Variants in PDGFD observed in about 807,000 individuals in gnomAD.
PDGFD encodes the protein platelet-derived growth factor D.
Under a neutral mutation model 44.7 loss-of-function variants are expected in PDGFD, and 30 were observed. That is an observed-to-expected ratio of 0.67 (90% CI 0.50 to 0.91). PDGFD has a LOEUF of 0.91. PDGFD is among the 40% of genes least tolerant of loss of function. The probability of loss-of-function intolerance (pLI) is 0.00; values close to 1 mark genes in which losing one functional copy is unlikely to be tolerated. For missense variants in PDGFD, 445 were observed against 457.8 expected, an observed-to-expected ratio of 0.97 and a Z score of 0.25; for synonymous variants, 173 against 168.4, an observed-to-expected ratio of 1.03 and a Z score of -0.21.
At chr11:103,921,585 C>G (rs977006156) in intron 6 of PDGFD, among the ~76,000 whole-genome samples, 1 of 150,700 alleles carries the variant, frequency 6.6e-6, no homozygotes, top group African/African-American at 2.5e-5. Context: ...TAATACCCCC[C>G]CATAAACCCA....
chr11:104,038,294 C>A, intron 1 of PDGFD: 1 of 380,968 alleles, frequency 2.6e-6, no homozygotes. Context: ...CCAGCTTCTT[C>A]CTTTAGAGAC....
In PDGFD at chr11:104,052,659, A is replaced by G. The variant is rs1278908845; in HGVS notation, c.125-52404T>C. Among the ~76,000 whole-genome samples, 3 of 152,256 alleles carry G rather than the reference A, an allele frequency of 2.0e-5. No homozygotes were observed. The East Asian group carries it at 5.8e-4, about 29-fold the overall frequency. On this transcript the variant is annotated intron_variant, in intron 1 of 6. Transcript: ENST00000393158. ...TTGGGGCTAATGTTGTATGGCTGAC[A>G]TGAGCAGAGGTAGTTGTTTCTGTTC... is the stretch of plus-strand genomic sequence containing the variant.
At chr11:104,123,739 G>A (rs1364863211) in intron 1 of PDGFD, among the ~76,000 whole-genome samples, 1 of 151,958 alleles carries the variant, frequency 6.6e-6, no homozygotes, top group Non-Finnish European at 1.5e-5. Context: ...CTTTGTTCTG[G>A]ACATACCTGT....
chr11:104,068,673 C>A (rs1860828552), intron 1 of PDGFD, among the ~76,000 whole-genome samples: 1 of 152,084 alleles, frequency 6.6e-6, no homozygotes, highest in South Asian at 2.1e-4. Context: ...GAGAAAATAT[C>A]TATTTATATT....
chr11:103,985,173 T>TAATTTATTTAATATATAATATATA (rs1859343773), intron 3 of PDGFD, among the ~76,000 whole-genome samples: 1 of 127,790 alleles, frequency 7.8e-6, no homozygotes, highest in African/African-American at 2.9e-5. Flanking sequence ...TATAATATAT[T>TAATTTATTTAATATATAATATATA]AATTTATTTA....
intron 1 of PDGFD, among the ~76,000 whole-genome samples, chr11:104,102,986 A>T (rs1472311915): frequency 6.6e-6 from 1 of 152,094 alleles, no homozygotes; most frequent in Non-Finnish European, 1.5e-5. Context: ...TTAAATGACG[A>T]GTTAATGGGG....
chr11:104,090,342 G>T (rs188993960), intron 1 of PDGFD, among the ~76,000 whole-genome samples: 1 of 150,236 alleles, frequency 6.7e-6, no homozygotes, highest in East Asian at 1.9e-4. Flanking sequence ...ATGTAGAGGC[G>T]GGCACAGTGG....
rs947304021 is a variant in PDGFD, at chr11:103,926,809, G to T, written c.987+103C>A. ...CTGCTCCTAATCAAACCCTGGCTGG[G>T]TGCCCTTGTGCAGTGAACAACCTGA... On this transcript the variant is annotated intron_variant, in intron 6 of 6. Transcript: ENST00000393158. 6.7e-6 allele frequency: 8 copies of T among 1,201,502 alleles called. No individual in the cohort carries two copies. In the African/African-American group the frequency reaches 1.2e-4, roughly 18 times the overall value. The allele number at this position is 1,201,502 out of a possible 1,614,324, so 74.4% of individuals were successfully genotyped here.
chr11:104,035,079 G>A (rs1860202390), intron 1 of PDGFD, among the ~76,000 whole-genome samples: 1 of 152,256 alleles, frequency 6.6e-6, no homozygotes, highest in East Asian at 1.9e-4. Flanking sequence ...GGAGAGTAGG[G>A]AGAAGGTGGC....
chr11:103,928,059 G>C (rs1289741825), intron 5 of PDGFD, among the ~76,000 whole-genome samples: 1 of 152,160 alleles, frequency 6.6e-6, no homozygotes, highest in Non-Finnish European at 1.5e-5. Flanking sequence ...ATTATCAAGG[G>C]ATATGGTCAG....
intron 1 of PDGFD, among the ~76,000 whole-genome samples, chr11:104,084,787 A>ATATAAAATATATATTTTATAAG (rs1555051346): frequency 3.0e-5 from 4 of 133,108 alleles, no homozygotes; most frequent in Non-Finnish European, 6.1e-5. Context: ...ACATAAAATA[A>ATATAAAATATATATTTTATAAG]TATAAAATAT....
chr11:104,153,100 CCTT>C (rs1862266321), intron 1 of PDGFD, among the ~76,000 whole-genome samples: 1 of 151,746 alleles, frequency 6.6e-6, no homozygotes, highest in Non-Finnish European at 1.5e-5. Flanking sequence ...ATCTTTATGA[CCTT>C]CTCTTATCTG....
intron 6 of PDGFD, among the ~76,000 whole-genome samples, chr11:103,924,116 T>A (rs1336646246): frequency 1.3e-5 from 2 of 152,110 alleles, no homozygotes; most frequent in African/African-American, 4.8e-5. Flanking sequence ...GCAAGGGTCT[T>A]TGGGGGTCTA....
At chr11:104,150,122 T>C (rs1862220833) in intron 1 of PDGFD, among the ~76,000 whole-genome samples, 1 of 152,034 alleles carries the variant, frequency 6.6e-6, no homozygotes, top group African/African-American at 2.4e-5. Context: ...GCAACAAATT[T>C]TTATGGAATT....
chr11:104,070,361 G>C (rs115416952), intron 1 of PDGFD, among the ~76,000 whole-genome samples: 1 of 152,066 alleles, frequency 6.6e-6, no homozygotes, highest in South Asian at 2.1e-4. Context: ...CAACAGCACA[G>C]GGTTCATTCT....
At chr11:104,146,123 C>T (rs147301926) in intron 1 of PDGFD, among the ~76,000 whole-genome samples, 1 of 152,204 alleles carries the variant, frequency 6.6e-6, no homozygotes, top group African/African-American at 2.4e-5. Context: ...TTTTTGAGCA[C>T]TCACCATTAA....
chr11:103,934,935 T>C (rs1858464102), intron 5 of PDGFD, among the ~76,000 whole-genome samples: 1 of 152,114 alleles, frequency 6.6e-6, no homozygotes, highest in Admixed American at 6.6e-5. Flanking sequence ...GCATATATGC[T>C]CTAGGAGCAG....
At chr11:104,135,153 ATT>A (rs1481690235) in intron 1 of PDGFD, among the ~76,000 whole-genome samples, 1 of 182 alleles carries the variant, frequency 5.5e-3, no homozygotes, top group Non-Finnish European at 8.5e-3. Context: ...ATATAATAAC[ATT>A]TAACATTTAA....
rs372439438 is a variant in PDGFD at position 103,978,056 on chromosome 11, C to T, written c.510+18009G>A. On this transcript the variant is annotated intron_variant, in intron 3 of 6. Coordinates refer to ENST00000393158, the MANE Select transcript of PDGFD (RefSeq NM_025208.5). ...ATGAGATTGCTGCAGCTTCATCATC[C>T]GGCTCCATCATCATAAAGAGTATCA... Among the ~76,000 whole-genome samples, 8 of 152,168 alleles carry T rather than the reference C, an allele frequency of 5.3e-5. No individual in the cohort carries two copies. In the East Asian group the frequency reaches 9.7e-4, roughly 18 times the overall value.
Sources: gnomAD v4.1 joint callset for allele counts (sites outside exome capture counted in the v4.1 genomes callset) on GRCh38, gnomAD v4.1.1 for gene constraint, MANE v1.5 for transcripts, NCBI Gene and HGNC (gene_info 2026-07-23, HGNC 2026-07-21) for gene names.